The following TRIM33 variants were observed in gnomAD, a reference collection of about 807,000 sequenced individuals.
TRIM33 encodes tripartite motif containing 33.
Under a neutral mutation model 125.4 loss-of-function variants are expected in TRIM33, and 20 were observed. That is an observed-to-expected ratio of 0.16 (90% CI 0.11 to 0.23). TRIM33 has a LOEUF of 0.23. TRIM33 is among the 10% of genes least tolerant of loss of function. The probability of loss-of-function intolerance (pLI) is 1.00; values close to 1 mark genes in which losing one functional copy is unlikely to be tolerated. For synonymous variants in TRIM33, 564 were observed against 513.9 expected (o/e 1.10, Z -1.32); for missense variants, 920 against 1,411.4 (o/e 0.65, Z 5.58).
intron 1 of TRIM33, among the ~76,000 whole-genome samples, chr1:114,508,871 T>C (rs1233899603): frequency 2.0e-5 from 3 of 152,212 alleles, no homozygotes; most frequent in Non-Finnish European, 2.9e-5. Context: ...TGAGGTTATA[T>C]ACTTTTTTCC....
intron 5 of TRIM33, among the ~76,000 whole-genome samples, chr1:114,433,126 G>C (rs1297102264): frequency 6.6e-6 from 1 of 152,156 alleles, no homozygotes; most frequent in African/African-American, 2.4e-5. Flanking sequence ...AATAAATGGT[G>C]ATGATAATTA....
At position 114,408,622 on chromosome 1, in the gene TRIM33, C is replaced by T. The variant is rs1446197336; in HGVS notation, c.2258+55G>A. On this transcript the variant is annotated intron_variant, in intron 13 of 19. Coordinates refer to ENST00000358465, the MANE Select transcript of TRIM33 (RefSeq NM_015906.4). Reference sequence around the variant, plus strand: ...ACTGTAATATTCTACTTTTATTATACATATTTGCTATTTTTCTTAACAAAA... The same window carrying T: ...ACTGTAATATTCTACTTTTATTATATATATTTGCTATTTTTCTTAACAAAA... 7 of 1,120,090 alleles carry T rather than the reference C, an allele frequency of 6.2e-6. No individual in the cohort carries two copies. In the Admixed American group the frequency reaches 6.3e-5, roughly 10 times the overall value. The allele number at this position is 1,120,090 out of a possible 1,614,324, so 69.4% of individuals were successfully genotyped here. A position where few individuals can be genotyped will look rare whatever the true frequency, so the allele number is the denominator to read the frequency against.
rs757736372 is a variant in TRIM33 at position 114,407,142 on chromosome 1, T to C, written c.2259-42A>G. 3.3e-6 allele frequency: 5 copies of C among 1,536,248 alleles called. No homozygotes were observed. The Admixed American group carries it at 7.7e-5, about 24-fold the overall frequency. Reference sequence around the variant, plus strand: ...AATAAAGATCACATACGTTTGACTATATGGTATAAATAAAAACAATTATAT... The same window carrying C: ...AATAAAGATCACATACGTTTGACTACATGGTATAAATAAAAACAATTATAT... On this transcript the variant is annotated intron_variant, in intron 13 of 19. Transcript: ENST00000358465.
At chr1:114,490,784 CT>C (rs1301423615) in intron 1 of TRIM33, 2 of 152,100 alleles carry the variant, frequency 1.3e-5, no homozygotes, top group Non-Finnish European at 2.9e-5. Flanking sequence ...AGATCTAAGT[CT>C]TTGCTCTACT....
chr1:114,447,284 G>A (rs1025871399), intron 4 of TRIM33, among the ~76,000 whole-genome samples: 24 of 152,136 alleles, frequency 1.6e-4, no homozygotes, highest in Admixed American at 3.9e-4. Context: ...GTAGGAGTTG[G>A]TGATATATTT....
chr1:114,457,057 C>T (rs1487637757), intron 4 of TRIM33, among the ~76,000 whole-genome samples: 1 of 152,182 alleles, frequency 6.6e-6, no homozygotes, highest in Non-Finnish European at 1.5e-5. Flanking sequence ...TTGGGTATAT[C>T]CGTGTTTTGA....
Position 114,451,621 on chromosome 1 carries a change from T to TA in TRIM33, c.923+11482dup, listed in dbSNP as rs148499193. Among the ~76,000 whole-genome samples the TA allele has an allele frequency of 4.7e-5, 7 of 150,294 alleles. No individual in the cohort carries two copies. In the South Asian group the frequency reaches 6.3e-4, roughly 14 times the overall value. ...CATAAAGTAAATCGAAGACTTCAAT[T>TA]AAAAAAAAAATTTAAATAAAGAGAA... On this transcript the variant is annotated intron_variant, in intron 4 of 19. Coordinates refer to ENST00000358465, the MANE Select transcript of TRIM33 (RefSeq NM_015906.4).
At chr1:114,484,397 G>A (rs1017615544) in intron 1 of TRIM33, among the ~76,000 whole-genome samples, 1 of 152,134 alleles carries the variant, frequency 6.6e-6, no homozygotes, top group African/African-American at 2.4e-5. Flanking sequence ...TGTTTCATTT[G>A]CAAGAATTAT....
chr1:114,461,435 C>T (rs927009123), intron 4 of TRIM33, among the ~76,000 whole-genome samples: 3 of 150,880 alleles, frequency 2.0e-5, no homozygotes, highest in African/African-American at 7.3e-5. Context: ...AGGTAGACGG[C>T]GACAGAACTG....
rs1384299681 is a variant in TRIM33, at chr1:114,393,471, G to A, written c.*4177C>T. ...AAAGAGGAGCATTTTTAATTTTAAA[G>A]ATCACTTTCTAGAAAAGGGCTAAAC... is the stretch of plus-strand genomic sequence containing the variant. On this transcript the variant is annotated 3_prime_UTR_variant, in exon 20 of 20. Coordinates refer to ENST00000358465, the MANE Select transcript of TRIM33 (RefSeq NM_015906.4). The A allele has an allele frequency of 1.0e-5, 2 of 200,390 alleles. No homozygotes were observed. The highest frequency in any genetic ancestry group is 2.1e-5 in the Non-Finnish European group (2 of 97,128). 12.4% of individuals were successfully genotyped at this position (200,390 alleles called of 1,614,324 possible).
intron 1 of TRIM33, among the ~76,000 whole-genome samples, chr1:114,491,345 T>G (rs1053440257): frequency 2.1e-4 from 32 of 152,206 alleles, no homozygotes; most frequent in Admixed American, 1.8e-3. Flanking sequence ...AGTAGTTATA[T>G]TCTATACAGT....
chr1:114,463,963 C>A (rs1043911581), intron 2 of TRIM33, among the ~76,000 whole-genome samples: 1 of 151,674 alleles, frequency 6.6e-6, no homozygotes, highest in Non-Finnish European at 1.5e-5. Flanking sequence ...GAGATGGAGT[C>A]TCACTATGTT....
intron 11 of TRIM33, among the ~76,000 whole-genome samples, chr1:114,419,200 CA>C (rs35757503): frequency 0.17 from 9,478 of 54,188 alleles, 199 homozygotes; most frequent in African/African-American, 0.25. Flanking sequence ...GACACCATCT[CA>C]AAAAAAAAAA....
chr1:114,435,836 C>T (rs1288908017), intron 4 of TRIM33, among the ~76,000 whole-genome samples: 1 of 149,720 alleles, frequency 6.7e-6, no homozygotes, highest in Non-Finnish European at 1.5e-5. Flanking sequence ...AAGCAATCCT[C>T]CTGCATCATT....
At chr1:114,430,699 C>CA in intron 6 of TRIM33, 99 bp downstream of exon 6, 3 of 729,838 alleles carry the variant, frequency 4.1e-6, no homozygotes, top group Non-Finnish European at 7.2e-6. Flanking sequence ...CCTTTATTTC[C>CA]ATACCCCCCA....
In TRIM33 at chr1:114,503,758, C is replaced by T. The variant is rs79720050; in HGVS notation, c.526+6793G>A. 7.0e-3 allele frequency among the ~76,000 whole-genome samples: 1,071 copies of T among 152,304 alleles called. 8 individuals carry two copies. The highest frequency in any genetic ancestry group is 0.016 in the African/African-American group (667 of 41,568). ...AAATCTCAATTTTTATCACTGGCAA[C>T]ATATGTCAGTTGTTTTCCTGGAAAT... is the stretch of plus-strand genomic sequence containing the variant. On this transcript the variant is annotated intron_variant, in intron 1 of 19. Coordinates refer to ENST00000358465, the MANE Select transcript of TRIM33 (RefSeq NM_015906.4).
intron 16 of TRIM33, among the ~76,000 whole-genome samples, chr1:114,402,071 T>G (rs1238668222): frequency 3.3e-5 from 5 of 152,032 alleles, no homozygotes; most frequent in Non-Finnish European, 2.9e-5. Flanking sequence ...TACACCAGAG[T>G]AGAGCCAAAC....
intron 1 of TRIM33, among the ~76,000 whole-genome samples, chr1:114,482,225 C>A (rs1270237373): frequency 6.6e-6 from 1 of 152,096 alleles, no homozygotes; most frequent in African/African-American, 2.4e-5. Context: ...CCACATTTAA[C>A]ACCATGAACT....
At chr1:114,442,560 C>T (rs1217757595) in intron 4 of TRIM33, among the ~76,000 whole-genome samples, 3 of 151,542 alleles carry the variant, frequency 2.0e-5, no homozygotes, top group African/African-American at 7.3e-5. Context: ...TGGTGGTGGG[C>T]GCCTGTGATC....
Sources: gnomAD v4.1 joint callset for allele counts (sites outside exome capture counted in the v4.1 genomes callset) on GRCh38, gnomAD v4.1.1 for gene constraint, MANE v1.5 for transcripts, NCBI Gene and HGNC (gene_info 2026-07-23, HGNC 2026-07-21) for gene names.